Variants in NCOA3 observed in about 807,000 individuals in gnomAD.
NCOA3 encodes CBP-interacting protein.
A neutral mutation model predicts 158.8 loss-of-function variants in NCOA3; 51 were observed. The ratio of observed to expected loss-of-function variants is 0.32; its 90% CI spans 0.26 to 0.41. The LOEUF (loss-of-function observed/expected upper bound fraction) is 0.41. Among genes scored for constraint, NCOA3 ranks in the 10% least tolerant of loss-of-function variants. The pLI is 1.00. For synonymous variants in NCOA3, 537 were observed against 592.4 expected (o/e 0.91, Z 1.36); for missense variants, 1,510 against 1,746.6 (o/e 0.86, Z 2.41).
rs1197084377 is a variant in NCOA3, at chr20:47,600,832, AAGAT to A, written c.-20+17575_-20+17578del. Among the ~76,000 whole-genome samples the A allele has an allele frequency of 7.2e-5, 11 of 152,008 alleles. No homozygotes were observed. In the East Asian group the frequency reaches 1.4e-3, roughly 19 times the overall value. On this transcript the variant is annotated intron_variant, in intron 2 of 22. Coordinates refer to ENST00000371998, the MANE Select transcript of NCOA3 (RefSeq NM_181659.3). ...TCCCTGGCAAAAAAAAAAAAAAAAAAAGATAGAATTCAAAAATTGTATCTTGAAT... is the reference window on the plus strand; with the variant it reads ...TCCCTGGCAAAAAAAAAAAAAAAAAAAGAATTCAAAAATTGTATCTTGAAT...
At chr20:47,546,691 C>G (rs1465136899) in intron 1 of NCOA3, among the ~76,000 whole-genome samples, 1 of 152,006 alleles carries the variant, frequency 6.6e-6, no homozygotes, top group Non-Finnish European at 1.5e-5. Context: ...GCTACCACGC[C>G]CAGCTAATTT....
At chr20:47,521,842 CTT>C (rs1242061246) in intron 1 of NCOA3, among the ~76,000 whole-genome samples, 2 of 152,130 alleles carry the variant, frequency 1.3e-5, no homozygotes, top group Non-Finnish European at 2.9e-5. Context: ...ATTCTTCTAA[CTT>C]TATTCCTTTT....
rs1224748075 is a variant in NCOA3 at position 47,656,868 on chromosome 20, T to G, written c.*3451T>G. On this transcript the variant is annotated 3_prime_UTR_variant, in exon 23 of 23. Transcript: ENST00000371998. ...GTCATTGTAAATAAAGGTTTCTATT[T>G]AAAATTGGAGCCTAAAGAGTTTTTT... The G allele has an allele frequency of 1.3e-5, 2 of 148,994 alleles. No homozygotes were observed. The highest frequency in any genetic ancestry group is 3.0e-5 in the Non-Finnish European group (2 of 67,576). 9.2% of individuals were successfully genotyped at this position (148,994 alleles called of 1,614,324 possible).
intron 1 of NCOA3, among the ~76,000 whole-genome samples, chr20:47,537,439 G>GT (rs982527245): frequency 2.0e-5 from 3 of 149,104 alleles, no homozygotes; most frequent in Admixed American, 1.3e-4. Flanking sequence ...ATCGGCGGGG[G>GT]TGGGGGGGGG....
intron 2 of NCOA3, among the ~76,000 whole-genome samples, chr20:47,607,754 G>T (rs931812721): frequency 3.9e-5 from 6 of 151,998 alleles, no homozygotes; most frequent in Admixed American, 6.6e-5. Flanking sequence ...GTAATATCAA[G>T]AAATATCCAT....
At chr20:47,528,995 G>A (rs535083175) in intron 1 of NCOA3, among the ~76,000 whole-genome samples, 31 of 152,162 alleles carry the variant, frequency 2.0e-4, no homozygotes, top group African/African-American at 6.5e-4. Flanking sequence ...TCGAACTCCC[G>A]ACCTCGGGTG....
At chr20:47,507,498 T>C (rs2084047879) in intron 1 of NCOA3, among the ~76,000 whole-genome samples, 3 of 152,208 alleles carry the variant, frequency 2.0e-5, no homozygotes, top group Admixed American at 2.0e-4. Context: ...GTCAGAAGAA[T>C]GGGAAATTCC....
intron 19 of NCOA3, 89 bp downstream of exon 19, chr20:47,649,198 CAAATG>C: frequency 1.5e-6 from 1 of 674,374 alleles, no homozygotes; most frequent in South Asian, 2.5e-5. Context: ...GTTTGTTAAA[CAAATG>C]AAGGTAATTC....
intron 17 of NCOA3, among the ~76,000 whole-genome samples, chr20:47,645,812 T>C (rs575342779): frequency 8.3e-4 from 127 of 152,240 alleles, no homozygotes; most frequent in African/African-American, 3.0e-3. Context: ...TGGGACAAAA[T>C]AGAAACATAG....
At position 47,656,512 on chromosome 20, in the gene NCOA3, CTG is replaced by C. The variant is rs2086877000; in HGVS notation, c.*3098_*3099del. On this transcript the variant is annotated 3_prime_UTR_variant, in exon 23 of 23. Coordinates refer to ENST00000371998, the MANE Select transcript of NCOA3 (RefSeq NM_181659.3). ...CCAGTTCCCTTTTTATTTGCAGAAG[CTG>C]TGAGTTTTGTTCACAATTAGGTTCC... 6.6e-6 allele frequency: 1 copy of C among 152,204 alleles called. No homozygotes were observed. Among genetic ancestry groups the C allele is most frequent in the African/African-American group, 2.4e-5 (1 of 41,268 alleles). 9.4% of individuals were successfully genotyped at this position (152,204 alleles called of 1,614,324 possible). A position where few individuals can be genotyped will look rare whatever the true frequency, so the allele number is the denominator to read the frequency against.
chr20:47,570,297 C>T (rs571407505), intron 1 of NCOA3, among the ~76,000 whole-genome samples: 1 of 151,894 alleles, frequency 6.6e-6, no homozygotes, highest in South Asian at 2.1e-4. Flanking sequence ...AAAAATTAGC[C>T]AGGTGTGGTG....
At chr20:47,644,243 C>T (rs1213069060) in intron 17 of NCOA3, among the ~76,000 whole-genome samples, 1 of 150,842 alleles carries the variant, frequency 6.6e-6, no homozygotes, top group Non-Finnish European at 1.5e-5. Context: ...GGGTTCAAGC[C>T]ATTCTCCTGC....
chr20:47,535,921 A>G (rs1380745110), intron 1 of NCOA3, among the ~76,000 whole-genome samples: 1 of 151,950 alleles, frequency 6.6e-6, no homozygotes, highest in Non-Finnish European at 1.5e-5. Flanking sequence ...CAGCAGCTGG[A>G]CTCTACTCCG....
At chr20:47,529,071 A>G (rs2084503400) in intron 1 of NCOA3, among the ~76,000 whole-genome samples, 1 of 150,768 alleles carries the variant, frequency 6.6e-6, no homozygotes, top group African/African-American at 2.4e-5. Context: ...CTGGCTGGAC[A>G]CTTTTTTTTC....
At position 47,607,587 on chromosome 20, in the gene NCOA3, A is replaced by T. The variant is rs76717041; in HGVS notation, c.-19-14642A>T. Reference sequence around the variant, plus strand: ...TCATTTCTCTGGGTATCTCTCATGGATACATGAGATATATTTATTATATTT... The same window carrying T: ...TCATTTCTCTGGGTATCTCTCATGGTTACATGAGATATATTTATTATATTT... On this transcript the variant is annotated intron_variant, in intron 2 of 22. Coordinates refer to ENST00000371998, the MANE Select transcript of NCOA3 (RefSeq NM_181659.3). 3.5e-3 allele frequency among the ~76,000 whole-genome samples: 526 copies of T among 152,262 alleles called. 4 individuals are homozygous for T. Among genetic ancestry groups the T allele is most frequent in the African/African-American group, 0.012 (506 of 41,552 alleles).
intron 1 of NCOA3, among the ~76,000 whole-genome samples, chr20:47,535,665 A>G (rs1479693194): frequency 6.6e-6 from 1 of 151,816 alleles, no homozygotes; most frequent in Non-Finnish European, 1.5e-5. Context: ...GCACCACCAC[A>G]TCTGGCTAAT....
chr20:47,631,508 C>A (rs2086418130), intron 8 of NCOA3: 1 of 152,184 alleles, frequency 6.6e-6, no homozygotes. Context: ...ATGAAACCTT[C>A]TTTAATTTCA....
In NCOA3 at chr20:47,628,016, T is replaced by C. The variant is rs1255820667; in HGVS notation, c.816T>C (p.Asp272=). 6.2e-7 allele frequency: 1 copy of C among 1,612,188 alleles called. No individual in the cohort carries two copies. Among genetic ancestry groups the C allele is most frequent in the Non-Finnish European group, 8.5e-7 (1 of 1,178,300 alleles). The change falls in exon 8 of 23, where the codon GAT becomes GAC. Residue 272 remains aspartate (D), a synonymous_variant. Coordinates refer to ENST00000371998, the MANE Select transcript of NCOA3 (RefSeq NM_181659.3). ...SNPESFITRH[D]LSGKVVNIDT... is the part of the protein sequence containing the mutation. ...CTGAGAGCTTTATTACCAGACATGA[T>C]CTTTCAGGTAAAAACTCTTTTTTTG...
chr20:47,626,138 A>G (rs938304419), intron 5 of NCOA3, among the ~76,000 whole-genome samples: 2 of 152,226 alleles, frequency 1.3e-5, no homozygotes, highest in African/African-American at 2.4e-5. Context: ...ATGGCACGCT[A>G]TGGTTTTATA....
Sources: gnomAD v4.1 joint callset for allele counts (sites outside exome capture counted in the v4.1 genomes callset) on GRCh38, gnomAD v4.1.1 for gene constraint, MANE v1.5 for transcripts, NCBI Gene and HGNC (gene_info 2026-07-23, HGNC 2026-07-21) for gene names.